Variants in CTTNBP2NL observed in about 807,000 individuals in gnomAD.
CTTNBP2NL encodes CTTNBP2 N-terminal like.
In CTTNBP2NL, 16 loss-of-function variants were observed where a neutral mutation model predicts 32.5. The ratio of observed to expected loss-of-function variants is 0.49; its 90% confidence interval spans 0.33 to 0.75. The LOEUF (loss-of-function observed/expected upper bound fraction) is 0.75, where lower values mean the gene tolerates loss of function less well. Among genes scored for constraint, CTTNBP2NL ranks in the 30% least tolerant of loss-of-function variants. The pLI, the probability that CTTNBP2NL is intolerant of heterozygous loss-of-function variation, is 0.02. For missense variants in CTTNBP2NL, 645 were observed against 756.0 expected, an observed-to-expected ratio of 0.85 and a Z score of 1.72; for synonymous variants, 298 against 289.4, an observed-to-expected ratio of 1.03 and a Z score of -0.30.
intron 3 of CTTNBP2NL, among the ~76,000 whole-genome samples, chr1:112,440,804 A>C (rs1482343058): frequency 6.6e-6 from 1 of 152,226 alleles, no homozygotes; most frequent in Admixed American, 6.5e-5. Context: ...TAAAATGAAG[A>C]TAATAGTGAT....
chr1:112,435,895 G>GA (rs1264756601), intron 3 of CTTNBP2NL, among the ~76,000 whole-genome samples: 1 of 151,992 alleles, frequency 6.6e-6, no homozygotes, highest in Non-Finnish European at 1.5e-5. Flanking sequence ...AGTTCAGTAT[G>GA]AAAAAAATTA....
At chr1:112,435,332 T>A (rs937783384) in intron 3 of CTTNBP2NL, among the ~76,000 whole-genome samples, 2 of 152,198 alleles carry the variant, frequency 1.3e-5, no homozygotes, top group Middle Eastern at 3.4e-3. Context: ...TATTATTATT[T>A]TTTTCACTAA....
At chr1:112,398,956 A>G (rs1009626717) in intron 1 of CTTNBP2NL, among the ~76,000 whole-genome samples, 4 of 152,170 alleles carry the variant, frequency 2.6e-5, no homozygotes, top group South Asian at 2.1e-4. Flanking sequence ...TGTTCTAAAT[A>G]TCTGACCTGA....
chr1:112,426,001 G>GTGTGTGTGTGTC (rs1553224983), intron 3 of CTTNBP2NL, among the ~76,000 whole-genome samples: 2 of 72,576 alleles, frequency 2.8e-5, no homozygotes, highest in African/African-American at 6.9e-5. Context: ...GTGTGTGTGT[G>GTGTGTGTGTGTC]TGTCTGTCTG....
chr1:112,434,031 C>A (rs1362846371), intron 3 of CTTNBP2NL, among the ~76,000 whole-genome samples: 1 of 151,960 alleles, frequency 6.6e-6, no homozygotes, highest in Non-Finnish European at 1.5e-5. Context: ...TGTGTGACTT[C>A]GTGTCTACAC....
At chr1:112,446,383 GA>G (rs916570399) in intron 3 of CTTNBP2NL, among the ~76,000 whole-genome samples, 63 of 148,430 alleles carry the variant, frequency 4.2e-4, no homozygotes, top group Non-Finnish European at 7.3e-4. Flanking sequence ...AAAGAAAAAA[GA>G]AAAAAAAAAT....
At chr1:112,423,495 G>A (rs2492521) in intron 3 of CTTNBP2NL, among the ~76,000 whole-genome samples, 83,706 of 151,540 alleles carry the variant, frequency 0.55, 24,211 homozygotes, top group South Asian at 0.71. Context: ...TTTTTTATCA[G>A]TTAAAAAATA....
chr1:112,432,113 A>C (rs867501948), intron 3 of CTTNBP2NL, among the ~76,000 whole-genome samples: 52 of 117,816 alleles, frequency 4.4e-4, no homozygotes, highest in Middle Eastern at 0.016. Flanking sequence ...TCACTCTTTC[A>C]CCCAGGCTGG....
intron 3 of CTTNBP2NL, among the ~76,000 whole-genome samples, chr1:112,442,816 A>G (rs1474539287): frequency 2.6e-5 from 4 of 151,656 alleles, no homozygotes; most frequent in East Asian, 1.9e-4. Flanking sequence ...TCAGCCTCCC[A>G]AGTAGCTGGG....
rs550920247 is a variant in CTTNBP2NL, at chr1:112,436,099, CTTGT to C, written c.100-12823_100-12820del. Among the ~76,000 whole-genome samples, 95 of 117,728 alleles carry C rather than the reference CTTGT, an allele frequency of 8.1e-4. 1 individual carries two copies. Among genetic ancestry groups the C allele is most frequent in the Admixed American group, 4.0e-3 (45 of 11,196 alleles). 77.2% of individuals were successfully genotyped at this position (117,728 alleles called of 152,430 possible). The stretch of plus-strand genomic sequence containing the variant: ...TTTTTTTTGTCCTGTTTTATTGTTG[CTTGT>C]TTGTTTGTTTGTTTGTTTGGCTTTC... On this transcript the variant is annotated intron_variant, in intron 3 of 5. Transcript: ENST00000271277.
chr1:112,408,426 T>C (rs2100995734), intron 1 of CTTNBP2NL, among the ~76,000 whole-genome samples: 1 of 152,158 alleles, frequency 6.6e-6, no homozygotes, highest in East Asian at 1.9e-4. Context: ...AAAGGGACCA[T>C]TTAGAATGTT....
intron 2 of CTTNBP2NL, among the ~76,000 whole-genome samples, chr1:112,413,531 C>T (rs189251445): frequency 8.3e-4 from 127 of 152,278 alleles, no homozygotes; most frequent in African/African-American, 2.8e-3. Flanking sequence ...AGTCAGATAA[C>T]TTGCCCAGTC....
chr1:112,416,899 A>G (rs556453593), intron 3 of CTTNBP2NL, among the ~76,000 whole-genome samples: 40 of 152,234 alleles, frequency 2.6e-4, no homozygotes, highest in Middle Eastern at 6.8e-3. Flanking sequence ...CCATATATCA[A>G]AATTTGAAAT....
At chr1:112,422,568 T>G (rs1649263546) in intron 3 of CTTNBP2NL, among the ~76,000 whole-genome samples, 1 of 152,218 alleles carries the variant, frequency 6.6e-6, no homozygotes, top group South Asian at 2.1e-4. Flanking sequence ...TCTGCCCAAG[T>G]GTTTTGCAAA....
chr1:112,431,251 C>T (rs1180159071), intron 3 of CTTNBP2NL, among the ~76,000 whole-genome samples: 1 of 152,242 alleles, frequency 6.6e-6, no homozygotes, highest in East Asian at 1.9e-4. Context: ...CCTATTTTGA[C>T]TTCCTCTTAT....
In CTTNBP2NL at chr1:112,426,675, C is replaced by T. The variant is rs150635664; in HGVS notation, c.99+10411C>T. Among the ~76,000 whole-genome samples, 1,037 of 145,140 alleles carry T rather than the reference C, an allele frequency of 7.1e-3. 9 individuals carry two copies. Among genetic ancestry groups the T allele is most frequent in the African/African-American group, 0.026 (996 of 39,048 alleles). On this transcript the variant is annotated intron_variant, in intron 3 of 5. Coordinates refer to ENST00000271277, the MANE Select transcript of CTTNBP2NL (RefSeq NM_018704.3). ...AGGTTGGAGTGCAGTGGCATGATCT[C>T]GGCTCACTGCTACCTCTGCCTCCTG...
At chr1:112,407,869 G>A (rs1418330991) in intron 1 of CTTNBP2NL, among the ~76,000 whole-genome samples, 1 of 98,246 alleles carries the variant, frequency 1.0e-5, no homozygotes, top group African/African-American at 3.3e-5. Flanking sequence ...TTTTGAGGCA[G>A]GGTCTCGCTG....
At position 112,456,959 on chromosome 1, in the gene CTTNBP2NL, C is replaced by A. The variant is rs762357830; in HGVS notation, c.1467C>A (p.Pro489=). The A allele has an allele frequency of 1.9e-6, 3 of 1,614,114 alleles. No individual in the cohort carries two copies. The change falls in exon 6 of 6, where the codon CCC becomes CCA. Residue 489 remains proline, a synonymous_variant. Transcript: ENST00000271277. ...LQSPPSRDLS[P]TLIDNSAAKQ... is the part of the protein sequence containing the mutation. The stretch of plus-strand genomic sequence containing the variant: ...GCCCTCCATCCAGGGATTTATCCCC[C>A]ACCCTCATAGACAACTCTGCCGCCA...
At chr1:112,420,144 G>A (rs932395372) in intron 3 of CTTNBP2NL, among the ~76,000 whole-genome samples, 3 of 145,858 alleles carry the variant, frequency 2.1e-5, no homozygotes, top group African/African-American at 7.7e-5. Flanking sequence ...TAGAGTTGGA[G>A]TGGCTTTTTT....
Sources: gnomAD v4.1 joint callset for allele counts (sites outside exome capture counted in the v4.1 genomes callset) on GRCh38, gnomAD v4.1.1 for gene constraint, MANE v1.5 for transcripts, NCBI Gene and HGNC (gene_info 2026-07-23, HGNC 2026-07-21) for gene names.